The following CACNA1S variants were observed in gnomAD, a reference collection of about 807,000 sequenced individuals.
The protein encoded by CACNA1S is voltage-dependent L-type calcium channel subunit alpha-1S.
In CACNA1S, 126 loss-of-function variants were observed where a neutral mutation model predicts 207.4. That is an observed-to-expected ratio of 0.61 (90% CI 0.53 to 0.70). The LOEUF (loss-of-function observed/expected upper bound fraction) is 0.70, where lower values mean the gene tolerates loss of function less well. Among genes scored for constraint, CACNA1S ranks in the 30% least tolerant of loss-of-function variants. The probability of loss-of-function intolerance (pLI) is 0.00; values close to 1 mark genes in which losing one functional copy is unlikely to be tolerated. For missense variants in CACNA1S, 2,349 were observed against 2,422.8 expected, an observed-to-expected ratio of 0.97 and a Z score of 0.64; for synonymous variants, 960 against 932.7, an observed-to-expected ratio of 1.03 and a Z score of -0.53.
rs1490148170 is a variant in CACNA1S at position 201,074,537 on chromosome 1, C to T, written c.2032G>A (p.Ala678Thr). 6.2e-7 allele frequency: 1 copy of T among 1,613,798 alleles called. No homozygotes were observed. ...ATCTTCCTGCGTTTTTTCTCCTCAGCCTTGGCCTTCTGGGCAGAAGTCAGG... is the reference window on the plus strand; with the variant it reads ...ATCTTCCTGCGTTTTTTCTCCTCAGTCTTGGCCTTCTGGGCAGAAGTCAGG... ...ESLTSAQKAK[A>T]EEKKRRKMSK... The change falls in exon 14 of 44, where the codon GCT becomes ACT. Residue 678 changes from alanine (A) to threonine (T), a missense_variant. Transcript: ENST00000362061.
At chr1:201,085,351 C>T in intron 8 of CACNA1S, 85 bp downstream of exon 8, 1 of 1,567,880 alleles carries the variant, frequency 6.4e-7, no homozygotes, top group South Asian at 1.1e-5. Context: ...GTTGGACTTG[C>T]TCAGTGGGCC....
chr1:201,057,591 T>C (rs927877138), intron 28 of CACNA1S, among the ~76,000 whole-genome samples: 19 of 152,130 alleles, frequency 1.2e-4, no homozygotes, highest in African/African-American at 4.6e-4. Context: ...AATAAATGAG[T>C]GAGTCTTCTA....
intron 2 of CACNA1S, among the ~76,000 whole-genome samples, chr1:201,106,708 C>A (rs1662906832): frequency 6.6e-6 from 1 of 152,164 alleles, no homozygotes; most frequent in East Asian, 1.9e-4. Flanking sequence ...CCTCCACCCT[C>A]ACCATCCCAC....
At chr1:201,098,788 G>T (rs549302366) in intron 2 of CACNA1S, among the ~76,000 whole-genome samples, 4 of 152,136 alleles carry the variant, frequency 2.6e-5, no homozygotes, top group Non-Finnish European at 2.9e-5. Flanking sequence ...CAGTGAGCCC[G>T]TCCAACTTCG....
At chr1:201,044,280 C>A (rs532489107) in intron 39 of CACNA1S, 48 bp downstream of exon 39, 1 of 1,609,162 alleles carries the variant, frequency 6.2e-7, no homozygotes, top group African/African-American at 1.3e-5. Context: ...TGAGACACTG[C>A]CACTCATGGT....
Position 201,050,344 on chromosome 1 carries a change from G to T in CACNA1S, c.4241+45C>A, listed in dbSNP as rs372093122. ...GACTCCCTGTGAGACGGTAGGAAGGGTCTAGGATGGAGGGCCCAGCACAGA... is the reference window on the plus strand; with the variant it reads ...GACTCCCTGTGAGACGGTAGGAAGGTTCTAGGATGGAGGGCCCAGCACAGA... On this transcript the variant is annotated intron_variant, in intron 34 of 43. Transcript: ENST00000362061. 4.3e-6 allele frequency: 7 copies of T among 1,609,490 alleles called. No individual in the cohort carries two copies. The African/African-American group carries it at 9.4e-5, about 22-fold the overall frequency.
chr1:201,069,655 G>C (rs1661383470), intron 17 of CACNA1S, 54 bp from the exon 18 acceptor site: 2 of 1,544,578 alleles, frequency 1.3e-6, no homozygotes, highest in Non-Finnish European at 1.8e-6. Context: ...GGAGGCTCAG[G>C]CCTCATCAGC....
Position 201,065,835 on chromosome 1 carries a change from C to T in CACNA1S, c.2853+3G>A. ...GGAGCTGCTCGCGCAGGCTGGGGCT[C>T]ACCTTGAAGAGCTGGACGCCGATGC... On this transcript the variant is annotated splice_donor_region_variant and intron_variant, in intron 22 of 43. Transcript: ENST00000362061. 6.2e-7 allele frequency: 1 copy of T among 1,610,722 alleles called. No homozygotes were observed. Among genetic ancestry groups the T allele is most frequent in the Non-Finnish European group, 8.5e-7 (1 of 1,176,860 alleles).
At chr1:201,086,933 T>C (rs1662056263) in intron 7 of CACNA1S, among the ~76,000 whole-genome samples, 1 of 152,204 alleles carries the variant, frequency 6.6e-6, no homozygotes, top group Non-Finnish European at 1.5e-5. Context: ...AACACTAAAT[T>C]TCAGTTACAA....
intron 2 of CACNA1S, among the ~76,000 whole-genome samples, chr1:201,100,397 G>A (rs1361689768): frequency 1.3e-5 from 2 of 152,214 alleles, no homozygotes; most frequent in Non-Finnish European, 2.9e-5. Flanking sequence ...CCAGGGCCCT[G>A]GCATCTCCAC....
intron 40 of CACNA1S, 43 bp from the exon 41 acceptor site, chr1:201,041,632 G>A: frequency 7.0e-7 from 1 of 1,429,970 alleles, no homozygotes; most frequent in Non-Finnish European, 9.9e-7. Context: ...AAGGCTGCTA[G>A]CTCTCTCGGC....
chr1:201,046,471 G>T (rs903184831), intron 38 of CACNA1S, among the ~76,000 whole-genome samples: 1 of 150,392 alleles, frequency 6.6e-6, no homozygotes, highest in Non-Finnish European at 1.5e-5. Context: ...GTGAGCCACC[G>T]CACCTGGACC....
Position 201,091,727 on chromosome 1 carries a change from C to CT in CACNA1S, c.606_607insA (p.Val203SerfsTer38). On this transcript the variant is annotated frameshift_variant, in exon 5 of 44. Coordinates refer to ENST00000362061, the MANE Select transcript of CACNA1S (RefSeq NM_000069.3). LOFTEE classifies it high-confidence loss of function. ...GCATAGATGATGACCATAAAGAGGA[C>CT]CAGCAGGGCGATGTGAAAGAGGGGG... is the stretch of plus-strand genomic sequence containing the variant. 1 of 1,614,092 alleles carries CT rather than the reference C, an allele frequency of 6.2e-7. No individual in the cohort carries two copies. Among genetic ancestry groups the CT allele is most frequent in the Non-Finnish European group, 8.5e-7 (1 of 1,179,934 alleles).
intron 9 of CACNA1S, among the ~76,000 whole-genome samples, chr1:201,083,900 C>A (rs1378591984): frequency 6.6e-6 from 1 of 152,152 alleles, no homozygotes; most frequent in Non-Finnish European, 1.5e-5. Flanking sequence ...AGTAGCTATA[C>A]CCTTTGACCC....
chr1:201,111,929 C>CCTCTTCCTCCTCCTCCCCCACCCTCCTG (rs1663121811), intron 1 of CACNA1S, among the ~76,000 whole-genome samples: 1 of 150,734 alleles, frequency 6.6e-6, no homozygotes, highest in Non-Finnish European at 1.5e-5. Flanking sequence ...TCCTCCTCCT[C>CCTCTTCCTCCTCCTCCCCCACCCTCCTG]CTCTTCCTCC....
chr1:201,048,705 G>T (rs1427013027), intron 35 of CACNA1S, 21 bp from the exon 36 acceptor site: 1 of 1,600,368 alleles, frequency 6.2e-7, no homozygotes, highest in Non-Finnish European at 8.6e-7. Context: ...AGACGCAGTG[G>T]CCTGCCGCTG....
intron 27 of CACNA1S, among the ~76,000 whole-genome samples, chr1:201,058,942 C>T (rs985906079): frequency 5.9e-5 from 9 of 152,268 alleles, no homozygotes; most frequent in Middle Eastern, 3.4e-3. Context: ...TCAGAGCAGG[C>T]GAGAATGTAA....
chr1:201,074,917 G>A (rs1661551965), intron 13 of CACNA1S, among the ~76,000 whole-genome samples: 1 of 152,230 alleles, frequency 6.6e-6, no homozygotes, highest in South Asian at 2.1e-4. Context: ...TGAGACCCAT[G>A]CGAGGCACAC....
intron 17 of CACNA1S, 131 bp from the exon 18 acceptor site, chr1:201,069,732 C>T: frequency 1.8e-6 from 2 of 1,114,694 alleles, no homozygotes; most frequent in East Asian, 2.7e-5. Flanking sequence ...AAGTGCAGCC[C>T]TGCACCTGCA....
Sources: allele counts gnomAD v4.1 joint callset (sites outside exome capture counted in the v4.1 genomes callset), GRCh38; gene constraint gnomAD v4.1.1; transcripts MANE v1.5; gene names NCBI Gene and HGNC (gene_info 2026-07-23, HGNC 2026-07-21).